Variants in SOCS2 observed in about 807,000 individuals in gnomAD.
The protein encoded by SOCS2 is suppressor of cytokine signaling 2.
SOCS2 carries 10 observed loss-of-function variants against 18.6 expected under a neutral mutation model. The observed-to-expected ratio is 0.54, with a 90% confidence interval of 0.33 to 0.91. The LOEUF (loss-of-function observed/expected upper bound fraction) is 0.91. Ranked by LOEUF, SOCS2 falls within the 40% of genes least tolerant of loss-of-function variation. The pLI is 0.02. For synonymous variants in SOCS2, 104 were observed against 104.0 expected (o/e 1.00, Z 0.00); for missense variants, 231 against 247.2 (o/e 0.93, Z 0.44).
the SOCS2 span, among the ~76,000 whole-genome samples, chr12:93,592,298 A>T: frequency 6.6e-6 from 1 of 152,168 alleles, no homozygotes; most frequent in Non-Finnish European, 1.5e-5. Flanking sequence ...TTATATCTTC[A>T]TGGCAACATA....
chr12:93,595,376 T>C, the SOCS2 span, among the ~76,000 whole-genome samples: 2 of 152,216 alleles, frequency 1.3e-5, no homozygotes, highest in African/African-American at 4.8e-5. Flanking sequence ...CCAGTCACTA[T>C]AAATTCAGTT....
chr12:93,603,221 A>G, the SOCS2 span, among the ~76,000 whole-genome samples: 1 of 152,192 alleles, frequency 6.6e-6, no homozygotes, highest in Non-Finnish European at 1.5e-5. Context: ...GGCAACAACA[A>G]TCTTAACAAC....
chr12:93,580,788 G>T (rs1211007901), downstream of SOCS2, among the ~76,000 whole-genome samples: 1 of 151,924 alleles, frequency 6.6e-6, no homozygotes, highest in Non-Finnish European at 1.5e-5. Context: ...TTATTTCTAG[G>T]TTGTGGCCAT....
At chr12:93,599,199 G>T in the SOCS2 span, among the ~76,000 whole-genome samples, 2 of 146,158 alleles carry the variant, frequency 1.4e-5, no homozygotes, top group Non-Finnish European at 3.0e-5. Flanking sequence ...TTGAGACAGG[G>T]TCTCACTTTG....
chr12:93,607,948 T>TAGTA, the SOCS2 span, among the ~76,000 whole-genome samples: 2,242 of 152,012 alleles, frequency 0.015, 66 homozygotes, highest in African/African-American at 0.051. Flanking sequence ...GGAAGAAAAT[T>TAGTA]AGTCTGTCAA....
chr12:93,580,813 G>A (rs1318160275), downstream of SOCS2, among the ~76,000 whole-genome samples: 1 of 151,870 alleles, frequency 6.6e-6, no homozygotes, highest in Non-Finnish European at 1.5e-5. Flanking sequence ...TCTGTATTTG[G>A]TCAGAAAGTG....
chr12:93,573,547 AGCGCG>A (rs1954342165), intron 1 of SOCS2: 4 of 228,102 alleles, frequency 1.8e-5, no homozygotes, highest in Non-Finnish European at 3.4e-5. Flanking sequence ...GCCCCCGCCG[AGCGCG>A]GCTTCCATGG....
chr12:93,580,367 A>G (rs139284830), downstream of SOCS2, among the ~76,000 whole-genome samples: 769 of 152,294 alleles, frequency 5.0e-3, 7 homozygotes, highest in African/African-American at 0.017. Flanking sequence ...CATGCCTGCA[A>G]TCCCAGCACT....
downstream of SOCS2, among the ~76,000 whole-genome samples, chr12:93,581,319 T>A (rs553709848): frequency 5.3e-5 from 8 of 152,336 alleles, no homozygotes; most frequent in East Asian, 1.5e-3. Flanking sequence ...CCTCAATAAT[T>A]GAGACCTCAT....
chr12:93,622,436 A>G, the SOCS2 span, among the ~76,000 whole-genome samples: 1 of 152,168 alleles, frequency 6.6e-6, no homozygotes. Context: ...CTCTGACATC[A>G]TTGGCATGTC....
the SOCS2 span, among the ~76,000 whole-genome samples, chr12:93,597,271 C>T: frequency 6.6e-6 from 1 of 152,190 alleles, no homozygotes; most frequent in Non-Finnish European, 1.5e-5. Flanking sequence ...GTGACTCCCA[C>T]ATTCCTAACC....
the SOCS2 span, among the ~76,000 whole-genome samples, chr12:93,614,533 TTCCTTCC>T: frequency 9.7e-5 from 9 of 93,258 alleles, no homozygotes; most frequent in Admixed American, 3.9e-4. Context: ...CCTTCCTTCC[TTCCTTCC>T]TTCTTTCTTT....
At chr12:93,609,409 A>G in the SOCS2 span, among the ~76,000 whole-genome samples, 9 of 152,212 alleles carry the variant, frequency 5.9e-5, no homozygotes, top group African/African-American at 2.2e-4. Flanking sequence ...AAATAAGTAA[A>G]TAAATAAATA....
chr12:93,580,635 A>AAAAAAG (rs1954525960), downstream of SOCS2, among the ~76,000 whole-genome samples: 1 of 151,612 alleles, frequency 6.6e-6, no homozygotes, highest in Non-Finnish European at 1.5e-5. Context: ...AAAAAAAAAA[A>AAAAAAG]AAAAAGAAAA....
At chr12:93,624,496 C>T in the SOCS2 span, among the ~76,000 whole-genome samples, 6 of 151,898 alleles carry the variant, frequency 4.0e-5, no homozygotes, top group East Asian at 1.9e-4. Flanking sequence ...CACTTGAATC[C>T]GGGAGGCGGA....
At chr12:93,578,835 T>A (rs1258971186), downstream of SOCS2, among the ~76,000 whole-genome samples, 1 of 152,186 alleles carries the variant, frequency 6.6e-6, no homozygotes, top group Non-Finnish European at 1.5e-5. Context: ...AGACTCTTCT[T>A]TGCTTTCCTG....
At chr12:93,620,365 C>A in the SOCS2 span, among the ~76,000 whole-genome samples, 1 of 152,110 alleles carries the variant, frequency 6.6e-6, no homozygotes, top group East Asian at 1.9e-4. Context: ...TCCCCCATCG[C>A]CTCAATATCA....
At chr12:93,600,133 C>G in the SOCS2 span, among the ~76,000 whole-genome samples, 1 of 151,686 alleles carries the variant, frequency 6.6e-6, no homozygotes, top group African/African-American at 2.4e-5. Flanking sequence ...GTTGAATTCA[C>G]CTGAAAAAAA....
the SOCS2 span, among the ~76,000 whole-genome samples, chr12:93,614,401 CT>C: frequency 7.1e-6 from 1 of 141,496 alleles, no homozygotes; most frequent in Non-Finnish European, 1.5e-5. Flanking sequence ...TTCTTTCTTT[CT>C]TTCTTTCTTT....
Sources: gnomAD v4.1 joint callset for allele counts (sites outside exome capture counted in the v4.1 genomes callset) on GRCh38, gnomAD v4.1.1 for gene constraint, MANE v1.5 for transcripts, NCBI Gene and HGNC (gene_info 2026-07-23, HGNC 2026-07-21) for gene names.